The following PDSS2 variants were observed in gnomAD, a reference collection of about 807,000 sequenced individuals.
The protein encoded by PDSS2 is all trans-polyprenyl-diphosphate synthase PDSS2.
In PDSS2, 31 loss-of-function variants were observed where a neutral mutation model predicts 44.5. The ratio of observed to expected loss-of-function variants is 0.70; its 90% CI spans 0.52 to 0.94. The LOEUF (loss-of-function observed/expected upper bound fraction) is 0.94. PDSS2 is among the 40% of genes least tolerant of loss of function. The pLI is 0.00. For synonymous variants in PDSS2, 157 were observed against 180.3 expected (o/e 0.87, Z 1.03); for missense variants, 452 against 482.2 (o/e 0.94, Z 0.59).
At chr6:107,275,950 C>CA (rs964568581) in intron 2 of PDSS2, among the ~76,000 whole-genome samples, 1 of 151,456 alleles carries the variant, frequency 6.6e-6, no homozygotes, top group Non-Finnish European at 1.5e-5. Flanking sequence ...CCTATCTCTA[C>CA]AAAAAATTAA....
intron 2 of PDSS2, among the ~76,000 whole-genome samples, chr6:107,283,650 G>A (rs530114799): frequency 6.6e-6 from 1 of 152,198 alleles, no homozygotes; most frequent in East Asian, 1.9e-4. Context: ...AACCCAGGAG[G>A]CAGAGGTTGT....
chr6:107,343,484 A>T (rs999133925), intron 1 of PDSS2, among the ~76,000 whole-genome samples: 2 of 152,244 alleles, frequency 1.3e-5, no homozygotes, highest in African/African-American at 2.4e-5. Flanking sequence ...TATTAGTTAA[A>T]AGAACTGAAA....
chr6:107,178,300 G>A (rs1267708594), intron 7 of PDSS2, among the ~76,000 whole-genome samples: 1 of 152,138 alleles, frequency 6.6e-6, no homozygotes, highest in Non-Finnish European at 1.5e-5. Context: ...AATGTATGAG[G>A]TGAAGAATGT....
At chr6:107,258,465 T>TA (rs199659283) in intron 3 of PDSS2, among the ~76,000 whole-genome samples, 1,523 of 120,546 alleles carry the variant, frequency 0.013, 23 homozygotes, top group African/African-American at 0.037. Flanking sequence ...TTTAGAAAAC[T>TA]AAAAAAAAAA....
chr6:107,295,057 G>A (rs907710965), intron 2 of PDSS2, among the ~76,000 whole-genome samples: 11 of 152,180 alleles, frequency 7.2e-5, no homozygotes, highest in Non-Finnish European at 1.2e-4. Flanking sequence ...CCAGCCTCCT[G>A]AGTAGCTGGG....
At chr6:107,407,130 A>G (rs1243853730) in intron 1 of PDSS2, among the ~76,000 whole-genome samples, 5 of 152,246 alleles carry the variant, frequency 3.3e-5, no homozygotes, top group Admixed American at 3.3e-4. Context: ...AAAGGAAAGA[A>G]ATTCTGATAT....
At chr6:107,163,426 T>C (rs1410371508) in intron 7 of PDSS2, among the ~76,000 whole-genome samples, 1 of 152,168 alleles carries the variant, frequency 6.6e-6, no homozygotes. Flanking sequence ...ATCAGTAATA[T>C]AATCCTTCAT....
At chr6:107,440,448 A>C (rs1203097130) in intron 1 of PDSS2, among the ~76,000 whole-genome samples, 1 of 152,240 alleles carries the variant, frequency 6.6e-6, no homozygotes, top group African/African-American at 2.4e-5. Flanking sequence ...AGCCTATGAC[A>C]ACATAGACAA....
intron 1 of PDSS2, among the ~76,000 whole-genome samples, chr6:107,372,240 AC>A (rs1779147456): frequency 6.6e-6 from 1 of 151,640 alleles, no homozygotes; most frequent in African/African-American, 2.4e-5. Context: ...TTTTTTTTTC[AC>A]CCTGGTTTTT....
chr6:107,404,046 T>TTGAA (rs1204946880), intron 1 of PDSS2, among the ~76,000 whole-genome samples: 1 of 152,222 alleles, frequency 6.6e-6, no homozygotes, highest in Non-Finnish European at 1.5e-5. Context: ...CTGCTTCCTC[T>TTGAA]TGAATGCTTT....
At chr6:107,361,734 C>T (rs1231299710) in intron 1 of PDSS2, among the ~76,000 whole-genome samples, 1 of 152,130 alleles carries the variant, frequency 6.6e-6, no homozygotes, top group Admixed American at 6.5e-5. Flanking sequence ...TTGACAAATC[C>T]TCCCTCAAAA....
At chr6:107,394,258 G>T (rs976583361) in intron 1 of PDSS2, among the ~76,000 whole-genome samples, 1 of 152,060 alleles carries the variant, frequency 6.6e-6, no homozygotes, top group Non-Finnish European at 1.5e-5. Context: ...TCCCTGCATT[G>T]CTATGAAGAA....
chr6:107,227,352 G>T (rs534565182), intron 4 of PDSS2, among the ~76,000 whole-genome samples: 11 of 137,358 alleles, frequency 8.0e-5, no homozygotes, highest in African/African-American at 3.1e-4. Flanking sequence ...GCAGTGGCAC[G>T]ATCTTGGCTC....
intron 1 of PDSS2, among the ~76,000 whole-genome samples, chr6:107,396,633 T>G (rs1029449155): frequency 1.3e-5 from 2 of 152,054 alleles, no homozygotes; most frequent in African/African-American, 4.8e-5. Flanking sequence ...GTTGATGTTA[T>G]TTGCCACAGA....
chr6:107,331,017 G>A (rs189853695), intron 2 of PDSS2, among the ~76,000 whole-genome samples: 12 of 152,166 alleles, frequency 7.9e-5, no homozygotes, highest in South Asian at 2.1e-4. Flanking sequence ...CTCAGGTCCC[G>A]TTATCTGATA....
At chr6:107,413,422 G>A (rs1007865269) in intron 1 of PDSS2, among the ~76,000 whole-genome samples, 2 of 152,196 alleles carry the variant, frequency 1.3e-5, no homozygotes, top group African/African-American at 4.8e-5. Flanking sequence ...TGTAGTCCCA[G>A]CTACCTGGGA....
chr6:107,447,763 C>T (rs937664992), intron 1 of PDSS2, among the ~76,000 whole-genome samples: 4 of 152,196 alleles, frequency 2.6e-5, no homozygotes, highest in African/African-American at 7.2e-5. Context: ...AGGCAGTACC[C>T]CAGTGGGAAC....
rs1770827926 is a variant in PDSS2 at position 107,154,874 on chromosome 6, G to T, written c.1042-97C>A. 2.0e-5 allele frequency: 21 copies of T among 1,040,174 alleles called. No individual in the cohort carries two copies. In the Admixed American group the frequency reaches 3.6e-4, roughly 18 times the overall value. 64.4% of individuals were successfully genotyped at this position (1,040,174 alleles called of 1,614,324 possible). Reference sequence around the variant, plus strand: ...AGGGGAGATGGAAAACAAAGAAAGGGAGAAATAGTATAGATTGAGTATTTC... The same window carrying T: ...AGGGGAGATGGAAAACAAAGAAAGGTAGAAATAGTATAGATTGAGTATTTC... On this transcript the variant is annotated intron_variant, in intron 7 of 7. Coordinates refer to ENST00000369037, the MANE Select transcript of PDSS2 (RefSeq NM_020381.4).
At chr6:107,263,598 G>A (rs996760817) in intron 3 of PDSS2, among the ~76,000 whole-genome samples, 1 of 152,166 alleles carries the variant, frequency 6.6e-6, no homozygotes, top group African/African-American at 2.4e-5. Flanking sequence ...GTGCCAAAAA[G>A]CTACTACATT....
Sources: allele counts gnomAD v4.1 joint callset (sites outside exome capture counted in the v4.1 genomes callset), GRCh38; gene constraint gnomAD v4.1.1; transcripts MANE v1.5; gene names NCBI Gene and HGNC (gene_info 2026-07-23, HGNC 2026-07-21).